Variants in AGMO observed in about 807,000 individuals in gnomAD.
The protein encoded by AGMO is glyceryl-ether monooxygenase.
AGMO carries 75 observed loss-of-function variants against 60.2 expected under a neutral mutation model. The observed-to-expected ratio is 1.25, with a 90% confidence interval of 1.03 to 1.51. The LOEUF is 1.51. Among genes scored for constraint, AGMO ranks in the 40% most tolerant of loss-of-function variants. AGMO has a pLI of 0.00. For missense variants in AGMO, 763 were observed against 525.5 expected (o/e 1.45, Z -4.42); for synonymous variants, 261 against 177.1 (o/e 1.47, Z -3.76).
At chr7:15,127,694 T>A in the AGMO span, among the ~76,000 whole-genome samples, 10 of 152,148 alleles carry the variant, frequency 6.6e-5, no homozygotes, top group African/African-American at 2.4e-4. Context: ...TCTAAAATTA[T>A]CTGCAACTGG....
chr7:15,556,184 A>T (rs1359676233), intron 2 of AGMO, among the ~76,000 whole-genome samples: 3 of 151,138 alleles, frequency 2.0e-5, no homozygotes, highest in African/African-American at 7.3e-5. Flanking sequence ...AAAGAGTCAA[A>T]AATATTTTAA....
intron 12 of AGMO, chr7:15,306,656 T>C (rs1408843535): frequency 2.8e-6 from 1 of 356,284 alleles, no homozygotes; most frequent in Non-Finnish European, 5.5e-6. Context: ...TTAAGGATTG[T>C]TAATGCTTCA....
At chr7:15,463,246 G>A (rs747752239) in intron 3 of AGMO, among the ~76,000 whole-genome samples, 3 of 152,152 alleles carry the variant, frequency 2.0e-5, no homozygotes, top group African/African-American at 7.2e-5. Context: ...CTTGTCATAA[G>A]TAGAGGTAAT....
At chr7:15,518,383 C>T (rs1347225083) in intron 3 of AGMO, among the ~76,000 whole-genome samples, 1 of 152,164 alleles carries the variant, frequency 6.6e-6, no homozygotes, top group Non-Finnish European at 1.5e-5. Flanking sequence ...TGGGAGACAC[C>T]TCCCAGCAGG....
intron 5 of AGMO, among the ~76,000 whole-genome samples, chr7:15,411,377 G>A (rs1401898753): frequency 6.6e-6 from 1 of 151,978 alleles, no homozygotes; most frequent in Non-Finnish European, 1.5e-5. Context: ...GCACAAGAAG[G>A]TAAAGAACTC....
chr7:15,471,944 A>G (rs529428154), intron 3 of AGMO, among the ~76,000 whole-genome samples: 1 of 152,036 alleles, frequency 6.6e-6, no homozygotes, highest in Non-Finnish European at 1.5e-5. Context: ...TAGCAAGGTG[A>G]CTGTTGCCCA....
In AGMO at chr7:15,253,217, C is replaced by T. The variant is rs181321740; in HGVS notation, c.1264-51858G>A. Among the ~76,000 whole-genome samples the T allele has an allele frequency of 3.3e-5, 5 of 151,892 alleles. No homozygotes were observed. The East Asian group carries it at 9.7e-4, about 29-fold the overall frequency. Reference sequence around the variant, plus strand: ...TTTGTGTAGATGAGAAAGGATTGGGCTTTTTCAAAAGCAAAGGCCTGGGTA... The same window carrying T: ...TTTGTGTAGATGAGAAAGGATTGGGTTTTTTCAAAAGCAAAGGCCTGGGTA... On this transcript the variant is annotated intron_variant, in intron 12 of 12. Coordinates refer to ENST00000342526, the MANE Select transcript of AGMO (RefSeq NM_001004320.2).
intron 12 of AGMO, among the ~76,000 whole-genome samples, chr7:15,207,244 T>G (rs1385752104): frequency 6.6e-6 from 1 of 152,208 alleles, no homozygotes; most frequent in Non-Finnish European, 1.5e-5. Flanking sequence ...TGTAAACCCA[T>G]CTGGTTAAAA....
At chr7:15,367,779 GA>G (rs1456989073) in intron 10 of AGMO, among the ~76,000 whole-genome samples, 1 of 152,064 alleles carries the variant, frequency 6.6e-6, no homozygotes, top group Non-Finnish European at 1.5e-5. Context: ...TGAAAACCCA[GA>G]GGTGTGATAC....
chr7:15,363,914 A>G (rs924938691), intron 12 of AGMO, among the ~76,000 whole-genome samples: 17 of 151,664 alleles, frequency 1.1e-4, no homozygotes, highest in Non-Finnish European at 1.6e-4. Flanking sequence ...TTAAAGTGCC[A>G]TTTTCTTTGA....
the AGMO span, among the ~76,000 whole-genome samples, chr7:15,118,408 C>T: frequency 6.6e-6 from 1 of 151,930 alleles, no homozygotes; most frequent in Non-Finnish European, 1.5e-5. Flanking sequence ...AAGCTATATT[C>T]TCCAGGGAGC....
chr7:15,447,101 CTT>C (rs886137971), intron 3 of AGMO, among the ~76,000 whole-genome samples: 1 of 152,176 alleles, frequency 6.6e-6, no homozygotes, highest in Non-Finnish European at 1.5e-5. Context: ...CAGTAGTACT[CTT>C]TTAAGTTCCA....
At chr7:15,327,382 G>C (rs1202825944) in intron 12 of AGMO, among the ~76,000 whole-genome samples, 1 of 152,156 alleles carries the variant, frequency 6.6e-6, no homozygotes, top group Non-Finnish European at 1.5e-5. Context: ...CAAAAGGCAT[G>C]CTTGGAACCG....
chr7:15,333,582 T>G (rs1035390298), intron 12 of AGMO, among the ~76,000 whole-genome samples: 2 of 137,058 alleles, frequency 1.5e-5, no homozygotes, highest in Non-Finnish European at 3.1e-5. Context: ...ATACTCTCTA[T>G]AGAGACGAAC....
intron 12 of AGMO, among the ~76,000 whole-genome samples, chr7:15,253,553 A>C (rs950921999): frequency 6.6e-6 from 1 of 152,152 alleles, no homozygotes; most frequent in Non-Finnish European, 1.5e-5. Context: ...GGATGGTATT[A>C]CATCTTTTTT....
chr7:15,543,209 A>C (rs1225835881), intron 3 of AGMO, among the ~76,000 whole-genome samples: 1 of 152,122 alleles, frequency 6.6e-6, no homozygotes, highest in Non-Finnish European at 1.5e-5. Flanking sequence ...GCTCTTCAGT[A>C]GTTTTTCAAG....
chr7:15,122,218 A>G, the AGMO span, among the ~76,000 whole-genome samples: 1 of 152,138 alleles, frequency 6.6e-6, no homozygotes, highest in Non-Finnish European at 1.5e-5. Context: ...CTAGAAAAAA[A>G]CAACCCCATC....
At chr7:15,377,180 G>A (rs763897942) in intron 10 of AGMO, among the ~76,000 whole-genome samples, 2 of 152,008 alleles carry the variant, frequency 1.3e-5, no homozygotes, top group Non-Finnish European at 2.9e-5. Flanking sequence ...AGGCACTATA[G>A]AATTTTGCAA....
intron 12 of AGMO, among the ~76,000 whole-genome samples, chr7:15,307,795 C>T (rs974333612): frequency 1.3e-5 from 2 of 152,050 alleles, no homozygotes; most frequent in Admixed American, 6.6e-5. Context: ...TTTGCCTTTT[C>T]CTGGGTCTCC....
Sources: gnomAD v4.1 joint callset for allele counts (sites outside exome capture counted in the v4.1 genomes callset) on GRCh38, gnomAD v4.1.1 for gene constraint, MANE v1.5 for transcripts, NCBI Gene and HGNC (gene_info 2026-07-23, HGNC 2026-07-21) for gene names.